Variants in GFOD2 observed in about 807,000 individuals in gnomAD.
The protein encoded by GFOD2 is Gfo/Idh/MocA-like oxidoreductase domain containing 2.
Under a neutral mutation model 24.6 loss-of-function variants are expected in GFOD2, and 9 were observed. That is an observed-to-expected ratio of 0.37 (90% CI 0.22 to 0.64). The LOEUF (loss-of-function observed/expected upper bound fraction) is 0.64, where lower values mean the gene tolerates loss of function less well. GFOD2 is among the 30% of genes least tolerant of loss of function. GFOD2 has a pLI of 0.65. For missense variants in GFOD2, 476 were observed against 532.5 expected (o/e 0.89, Z 1.04); for synonymous variants, 211 against 224.8 (o/e 0.94, Z 0.55).
chr16:67,691,408 A>G (rs1337748936), intron 1 of GFOD2, among the ~76,000 whole-genome samples: 1 of 151,184 alleles, frequency 6.6e-6, no homozygotes, highest in Non-Finnish European at 1.5e-5. Flanking sequence ...GGGTTTCACT[A>G]TGTCACCCAG....
rs562998690 is a variant in GFOD2, at chr16:67,696,574, C to T, written c.-87-10772G>A. ...CTGCAAGCTCTGCCTCCTGGATTCA[C>T]GCCATTCTCCTGCCTCAGCCTCCCG... On this transcript the variant is annotated intron_variant, in intron 1 of 2. Transcript: ENST00000268797. Among the ~76,000 whole-genome samples the T allele has an allele frequency of 1.5e-3, 223 of 151,822 alleles. 4 individuals are homozygous for T. Among genetic ancestry groups the T allele is most frequent in the Admixed American group, 2.7e-3 (41 of 15,244 alleles).
chr16:67,704,234 G>A (rs1048741932), intron 1 of GFOD2, among the ~76,000 whole-genome samples: 3 of 152,072 alleles, frequency 2.0e-5, no homozygotes, highest in Admixed American at 6.6e-5. Flanking sequence ...TTTAATTTGG[G>A]TGACTGTTTA....
At chr16:67,716,209 A>C (rs977439180) in intron 1 of GFOD2, among the ~76,000 whole-genome samples, 2 of 152,198 alleles carry the variant, frequency 1.3e-5, no homozygotes, top group Non-Finnish European at 2.9e-5. Context: ...AAATCAGTTC[A>C]GTGAAAGTAG....
intron 1 of GFOD2, among the ~76,000 whole-genome samples, chr16:67,710,895 C>T (rs1283374718): frequency 3.3e-5 from 5 of 152,080 alleles, no homozygotes; most frequent in African/African-American, 1.2e-4. Flanking sequence ...TGCAGAGGTA[C>T]CTATACCTGC....
At chr16:67,688,915 A>G (rs1480188072) in intron 1 of GFOD2, among the ~76,000 whole-genome samples, 1 of 148,714 alleles carries the variant, frequency 6.7e-6, no homozygotes, top group Non-Finnish European at 1.5e-5. Flanking sequence ...TTTTTTTTGT[A>G]TTTTTAGTAG....
chr16:67,679,874 G>A (rs1391509071), intron 2 of GFOD2, among the ~76,000 whole-genome samples: 62 of 150,938 alleles, frequency 4.1e-4, no homozygotes, highest in African/African-American at 1.4e-3. Flanking sequence ...GCGACAGAGC[G>A]AGACTTCGTC....
intron 1 of GFOD2, among the ~76,000 whole-genome samples, chr16:67,687,505 G>A (rs2053276425): frequency 1.3e-5 from 2 of 151,878 alleles, no homozygotes; most frequent in Non-Finnish European, 2.9e-5. Flanking sequence ...GCCAGTTGTG[G>A]TGGTGGGTGC....
rs532442459 is a variant in GFOD2 at position 67,697,762 on chromosome 16, T to C, written c.-87-11960A>G. The stretch of plus-strand genomic sequence containing the variant: ...ACTGTCTGCTCTGGGGGTGACTGTT[T>C]GCCTCTGATCCACTGTTCAAAACCA... On this transcript the variant is annotated intron_variant, in intron 1 of 2. Coordinates refer to ENST00000268797, the MANE Select transcript of GFOD2 (RefSeq NM_030819.4). Among the ~76,000 whole-genome samples the C allele has an allele frequency of 5.3e-5, 8 of 152,338 alleles. No individual in the cohort carries two copies. In the East Asian group the frequency reaches 1.5e-3, roughly 29 times the overall value.
chr16:67,685,770 T>C lies in GFOD2; in HGVS notation c.-55A>G. On this transcript the variant is annotated 5_prime_UTR_variant, in exon 2 of 3. Coordinates refer to ENST00000268797, the MANE Select transcript of GFOD2 (RefSeq NM_030819.4). ...CTCACAAGAGCCTCTGGCATGGATA[T>C]GATCTTCCAAACGTCCTGGTCAGAC... is the stretch of plus-strand genomic sequence containing the variant. 2 of 1,565,484 alleles carry C rather than the reference T, an allele frequency of 1.3e-6. No homozygotes were observed. The highest frequency in any genetic ancestry group is 1.7e-6 in the Non-Finnish European group (2 of 1,158,060).
At chr16:67,702,435 C>T (rs1480499650) in intron 1 of GFOD2, among the ~76,000 whole-genome samples, 2 of 151,580 alleles carry the variant, frequency 1.3e-5, no homozygotes, top group Non-Finnish European at 2.9e-5. Flanking sequence ...GATCATGTCA[C>T]TGCACTCCAG....
intron 1 of GFOD2, among the ~76,000 whole-genome samples, chr16:67,701,693 A>G (rs968720110): frequency 2.6e-5 from 4 of 151,760 alleles, no homozygotes; most frequent in Non-Finnish European, 5.9e-5. Flanking sequence ...ACATGACAGC[A>G]TTTGTCAAAA....
At chr16:67,696,700 C>T (rs1236277242) in intron 1 of GFOD2, among the ~76,000 whole-genome samples, 1 of 151,980 alleles carries the variant, frequency 6.6e-6, no homozygotes, top group African/African-American at 2.4e-5. Flanking sequence ...GTCTGGATCT[C>T]CTGACCTCGT....
chr16:67,701,637 TTGTGGGGTGATGAAAC>T (rs1040650014), intron 1 of GFOD2, among the ~76,000 whole-genome samples: 16 of 152,178 alleles, frequency 1.1e-4, no homozygotes, highest in African/African-American at 3.1e-4. Context: ...AGGGGAATTT[TTGTGGGGTGATGAAAC>T]TGTTCTGTAT....
At chr16:67,694,586 C>T (rs1051897887) in intron 1 of GFOD2, among the ~76,000 whole-genome samples, 29 of 152,298 alleles carry the variant, frequency 1.9e-4, no homozygotes, top group Non-Finnish European at 2.2e-4. Flanking sequence ...AGGCATGAGA[C>T]ACCACGGCTG....
At chr16:67,716,948 G>C (rs1290305941) in intron 1 of GFOD2, among the ~76,000 whole-genome samples, 1 of 152,184 alleles carries the variant, frequency 6.6e-6, no homozygotes, top group Non-Finnish European at 1.5e-5. Flanking sequence ...CCAGGCTGGA[G>C]TGCAATGGCG....
chr16:67,678,263 G>A (rs1260488875), intron 2 of GFOD2, among the ~76,000 whole-genome samples: 1 of 152,172 alleles, frequency 6.6e-6, no homozygotes, highest in African/African-American at 2.4e-5. Flanking sequence ...GATCACCTGA[G>A]GTTGGGAGTT....
chr16:67,717,441 C>T (rs2053514798), intron 1 of GFOD2, among the ~76,000 whole-genome samples: 1 of 152,112 alleles, frequency 6.6e-6, no homozygotes, highest in Non-Finnish European at 1.5e-5. Context: ...AGTTCTACTA[C>T]CAATGTGTTC....
intron 1 of GFOD2, among the ~76,000 whole-genome samples, chr16:67,696,128 C>T (rs977987030): frequency 1.3e-5 from 2 of 151,930 alleles, no homozygotes; most frequent in Non-Finnish European, 2.9e-5. Flanking sequence ...ATTCTCCTGC[C>T]TCAGCCTTCC....
chr16:67,705,697 G>A (rs1345257890), intron 1 of GFOD2, among the ~76,000 whole-genome samples: 1 of 152,020 alleles, frequency 6.6e-6, no homozygotes, highest in African/African-American at 2.4e-5. Flanking sequence ...CCAGCACTTT[G>A]GGAGGCCAAG....
Sources: allele counts gnomAD v4.1 joint callset (sites outside exome capture counted in the v4.1 genomes callset), GRCh38; gene constraint gnomAD v4.1.1; transcripts MANE v1.5; gene names NCBI Gene and HGNC (gene_info 2026-07-23, HGNC 2026-07-21).